CNOT10: variants seen among roughly 807,000 people sequenced by gnomAD.
CNOT10 encodes CCR4-NOT transcription complex subunit 10, also known as CCR4-NOT transcription complex, subunit 10.
Under a neutral mutation model 94.6 loss-of-function variants are expected in CNOT10, and 30 were observed. The ratio of observed to expected loss-of-function variants is 0.32; its 90% CI spans 0.24 to 0.43. CNOT10 has a LOEUF of 0.43. Among genes scored for constraint, CNOT10 ranks in the 20% least tolerant of loss-of-function variants. The pLI is 1.00. For missense variants in CNOT10, 759 were observed against 877.2 expected (o/e 0.87, Z 1.70); for synonymous variants, 289 against 301.6 (o/e 0.96, Z 0.43).
At chr3:32,698,285 A>T (rs1697172456) in intron 1 of CNOT10, among the ~76,000 whole-genome samples, 3 of 152,236 alleles carry the variant, frequency 2.0e-5, no homozygotes, top group Admixed American at 2.0e-4. Context: ...AACTTTAATT[A>T]TCACAAGTAA....
intron 13 of CNOT10, among the ~76,000 whole-genome samples, chr3:32,737,707 C>A (rs1699250070): frequency 6.6e-6 from 1 of 152,068 alleles, no homozygotes; most frequent in African/African-American, 2.4e-5. Context: ...CCTGTAATCC[C>A]AGTTACTTGG....
Position 32,704,844 on chromosome 3 carries a change from G to T in CNOT10, c.151G>T (p.Ala51Ser). 2 of 1,566,270 alleles carry T rather than the reference G, an allele frequency of 1.3e-6. No homozygotes were observed. The highest frequency in any genetic ancestry group is 1.7e-6 in the Non-Finnish European group (2 of 1,165,674). The change falls in exon 3 of 19, where the codon GCC (alanine) becomes TCC (serine). Residue 51 changes from alanine to serine, a missense_variant. By Grantham distance (99) the Ala-to-Ser change is moderately conservative. This residue lies in a region of CNOT10 where 682 missense variants were observed against 799.4 expected (regional missense o/e 0.85). Transcript: ENST00000328834. ...TTATGATGCCTGTCTACAACACCTT[G>T]CCTGTCTACAAGATATAAACAAAGA... ...GNYDACLQHLACLQDINKDDY... is the reference protein window; with the variant it reads ...GNYDACLQHLSCLQDINKDDY...
At chr3:32,710,131 G>A (rs1392551910) in intron 4 of CNOT10, among the ~76,000 whole-genome samples, 2 of 92,944 alleles carry the variant, frequency 2.2e-5, no homozygotes, top group African/African-American at 8.7e-5. Flanking sequence ...TGAGCAACAA[G>A]AGCAAAACTT....
At chr3:32,736,383 A>T (rs775343850) in intron 12 of CNOT10, among the ~76,000 whole-genome samples, 3 of 152,038 alleles carry the variant, frequency 2.0e-5, no homozygotes, top group Non-Finnish European at 4.4e-5. Flanking sequence ...CACTACACCC[A>T]GCTGGAAATT....
At chr3:32,734,717 C>A in intron 11 of CNOT10, 83 bp from the exon 12 acceptor site, 1 of 1,112,660 alleles carries the variant, frequency 9.0e-7, no homozygotes, top group Non-Finnish European at 1.3e-6. Context: ...CATTTATAAT[C>A]AATTGGTTTT....
chr3:32,732,027 C>T (rs1165432159), intron 10 of CNOT10, among the ~76,000 whole-genome samples: 4 of 151,934 alleles, frequency 2.6e-5, no homozygotes, highest in South Asian at 2.1e-4. Flanking sequence ...TGCAGTGAGC[C>T]GAGATTGTGC....
chr3:32,758,319 A>G (rs1275508987), intron 13 of CNOT10, among the ~76,000 whole-genome samples: 1 of 152,164 alleles, frequency 6.6e-6, no homozygotes, highest in Non-Finnish European at 1.5e-5. Flanking sequence ...TGTGTTGTTA[A>G]GAGTTGAGGG....
chr3:32,714,576 G>A (rs1009428913), intron 5 of CNOT10, among the ~76,000 whole-genome samples: 14 of 152,110 alleles, frequency 9.2e-5, no homozygotes, highest in African/African-American at 3.4e-4. Context: ...GGGCATGGTG[G>A]CACACAACTG....
At chr3:32,688,878 G>C (rs1279213994) in intron 1 of CNOT10, among the ~76,000 whole-genome samples, 2 of 152,084 alleles carry the variant, frequency 1.3e-5, no homozygotes, top group African/African-American at 4.8e-5. Context: ...TCACGCCACT[G>C]TCCAGGCAAC....
chr3:32,732,205 A>G (rs958301532), intron 10 of CNOT10, among the ~76,000 whole-genome samples: 1 of 151,982 alleles, frequency 6.6e-6, no homozygotes, highest in African/African-American at 2.4e-5. Flanking sequence ...AGCCTGGCCA[A>G]TGTGGTGAAA....
intron 13 of CNOT10, among the ~76,000 whole-genome samples, chr3:32,756,969 G>A (rs563124277): frequency 2.0e-5 from 3 of 151,844 alleles, no homozygotes; most frequent in East Asian, 3.9e-4. Flanking sequence ...AGCTGGGCAT[G>A]GTGGCGGGCA....
intron 4 of CNOT10, among the ~76,000 whole-genome samples, chr3:32,710,431 A>T (rs190717678): frequency 3.5e-4 from 53 of 152,062 alleles, no homozygotes; most frequent in Non-Finnish European, 1.5e-4. Flanking sequence ...CATTACCACA[A>T]TCCCTCAACA....
chr3:32,751,363 C>T (rs1389652658), intron 13 of CNOT10, among the ~76,000 whole-genome samples: 1 of 152,130 alleles, frequency 6.6e-6, no homozygotes, highest in Non-Finnish European at 1.5e-5. Flanking sequence ...ACATCAGCCT[C>T]CCAATGTGCT....
At chr3:32,695,589 G>A (rs1467100643) in intron 1 of CNOT10, 14 of 1,533,206 alleles carry the variant, frequency 9.1e-6, no homozygotes, top group Admixed American at 2.0e-5. Context: ...TTTCTTTTCT[G>A]CTTAGTTCAA....
chr3:32,716,162 C>A, intron 5 of CNOT10, 63 bp from the exon 6 acceptor site: 1 of 868,282 alleles, frequency 1.2e-6, no homozygotes, highest in Non-Finnish European at 1.8e-6. Context: ...ACTTGGAAAT[C>A]ACTGATTTAA....
In CNOT10 at chr3:32,764,693, G is replaced by A. The variant is rs200752388; in HGVS notation, c.1888G>A (p.Ala630Thr). 6.2e-7 allele frequency: 1 copy of A among 1,613,900 alleles called. No homozygotes were observed. The highest frequency in any genetic ancestry group is 8.5e-7 in the Non-Finnish European group (1 of 1,179,966). ...CTCTTTTTCCCCAGCTGGTAAGCGG[G>A]CCCCTCAGTGCTACCCCAGTTCCGT... is the stretch of plus-strand genomic sequence containing the variant. ...NEAMESSGKR[A>T]PQCYPSSVNS... The change falls in exon 17 of 19, where the codon GCC (alanine) becomes ACC (threonine). Residue 630 changes from alanine (A) to threonine (T), a missense_variant. Physicochemically the swap from Ala to Thr is moderately conservative, Grantham distance 58. Around this residue, in one of 3 missense-constraint regions of CNOT10, gnomAD observed 682 missense variants for 799.4 expected, o/e 0.85. Transcript: ENST00000328834.
chr3:32,763,652 GA>G (rs879465296), intron 15 of CNOT10, among the ~76,000 whole-genome samples: 51 of 139,760 alleles, frequency 3.6e-4, no homozygotes, highest in African/African-American at 4.2e-4. Flanking sequence ...TCTGTCTGAA[GA>G]AAAAAAAAAA....
intron 4 of CNOT10, among the ~76,000 whole-genome samples, chr3:32,711,332 G>A (rs911561509): frequency 4.6e-5 from 7 of 152,102 alleles, no homozygotes; most frequent in African/African-American, 9.6e-5. Flanking sequence ...TTAAATAATC[G>A]CTAAATTACT....
intron 1 of CNOT10, chr3:32,703,666 A>C: frequency 2.0e-6 from 1 of 495,874 alleles, no homozygotes; most frequent in South Asian, 2.5e-5. Flanking sequence ...AGAGCGGGAC[A>C]CTGCAGGATG....
Sources: gnomAD v4.1 joint callset for allele counts (sites outside exome capture counted in the v4.1 genomes callset) on GRCh38, gnomAD v4.1.1 for gene constraint, gnomAD v4.1.1 regional missense constraint, MANE v1.5 for transcripts, NCBI Gene and HGNC (gene_info 2026-07-23, HGNC 2026-07-21) for gene names.